The following RPGRIP1L variants were observed in gnomAD, a reference collection of about 807,000 sequenced individuals.
The protein encoded by RPGRIP1L is protein fantom.
RPGRIP1L carries 131 observed loss-of-function variants against 160.4 expected under a neutral mutation model. That is an observed-to-expected ratio of 0.82 (90% CI 0.71 to 0.94). RPGRIP1L has a LOEUF of 0.94. Ranked by LOEUF, RPGRIP1L falls within the 40% of genes least tolerant of loss-of-function variation. The pLI is 0.00. For missense variants in RPGRIP1L, 1,522 were observed against 1,535.8 expected, an observed-to-expected ratio of 0.99 and a Z score of 0.15; for synonymous variants, 510 against 515.8, an observed-to-expected ratio of 0.99 and a Z score of 0.15.
At chr16:53,665,802 C>T (rs865962980) in intron 9 of RPGRIP1L, among the ~76,000 whole-genome samples, 1 of 152,124 alleles carries the variant, frequency 6.6e-6, no homozygotes, top group Non-Finnish European at 1.5e-5. Context: ...CCAGTGGTTC[C>T]TAAACGCTGA....
intron 6 of RPGRIP1L, among the ~76,000 whole-genome samples, chr16:53,681,835 T>C (rs1047987163): frequency 1.3e-5 from 2 of 152,222 alleles, no homozygotes; most frequent in Admixed American, 1.3e-4. Context: ...AGATTACAAC[T>C]ACGTTAGGTT....
At chr16:53,648,351 CA>C (rs1438646067) in intron 16 of RPGRIP1L, among the ~76,000 whole-genome samples, 1 of 152,092 alleles carries the variant, frequency 6.6e-6, no homozygotes, top group Non-Finnish European at 1.5e-5. Context: ...AGAAACTTAA[CA>C]TGAGGAAATA....
At chr16:53,699,561 T>C (rs917382733) in intron 2 of RPGRIP1L, among the ~76,000 whole-genome samples, 1 of 152,180 alleles carries the variant, frequency 6.6e-6, no homozygotes, top group African/African-American at 2.4e-5. Flanking sequence ...TAAATCACTT[T>C]GCACACTTAC....
At chr16:53,612,539 C>T (rs1964119171) in intron 24 of RPGRIP1L, among the ~76,000 whole-genome samples, 1 of 145,018 alleles carries the variant, frequency 6.9e-6, no homozygotes, top group Admixed American at 6.9e-5. Context: ...ATGTGGCACA[C>T]CATATTGTTT....
At chr16:53,692,862 C>T (rs909789921) in intron 3 of RPGRIP1L, among the ~76,000 whole-genome samples, 1 of 152,184 alleles carries the variant, frequency 6.6e-6, no homozygotes, top group African/African-American at 2.4e-5. Flanking sequence ...TAAATGCACA[C>T]ATATAAAGCC....
chr16:53,612,537 C>T (rs1964118973), intron 24 of RPGRIP1L, among the ~76,000 whole-genome samples: 1 of 142,648 alleles, frequency 7.0e-6, no homozygotes, highest in African/African-American at 2.6e-5. Flanking sequence ...AGATGTGGCA[C>T]ACCATATTGT....
chr16:53,673,318 A>G (rs1175741642), intron 7 of RPGRIP1L, among the ~76,000 whole-genome samples: 1 of 152,156 alleles, frequency 6.6e-6, no homozygotes. Context: ...CATTTTAACA[A>G]TAACTTTTTT....
At chr16:53,658,023 T>C (rs1967417537) in intron 12 of RPGRIP1L, among the ~76,000 whole-genome samples, 1 of 152,178 alleles carries the variant, frequency 6.6e-6, no homozygotes, top group Non-Finnish European at 1.5e-5. Flanking sequence ...AATTATCTTC[T>C]TGAGATATTT....
chr16:53,657,849 A>G (rs760064769), intron 12 of RPGRIP1L, among the ~76,000 whole-genome samples: 1 of 152,122 alleles, frequency 6.6e-6, no homozygotes, highest in Non-Finnish European at 1.5e-5. Context: ...GAATATTTGG[A>G]TAGACAATTG....
intron 16 of RPGRIP1L, among the ~76,000 whole-genome samples, chr16:53,648,103 CAAAAAAAAAAAAAA>C (rs781122239): frequency 2.6e-5 from 1 of 39,138 alleles, no homozygotes; most frequent in Non-Finnish European, 5.4e-5. Context: ...GACTCCGTCT[CAAAAAAAAAAAAAA>C]AAAAAAAAAA....
chr16:53,621,815 G>T (rs1449966245), intron 23 of RPGRIP1L, among the ~76,000 whole-genome samples: 1 of 151,068 alleles, frequency 6.6e-6, no homozygotes, highest in African/African-American at 2.4e-5. Context: ...GAGGTCAGGA[G>T]ATCGAGACCA....
At chr16:53,678,761 T>C (rs868470687) in intron 6 of RPGRIP1L, among the ~76,000 whole-genome samples, 5 of 152,192 alleles carry the variant, frequency 3.3e-5, no homozygotes, top group East Asian at 1.9e-4. Context: ...TTTTGAGTAA[T>C]AGTTACAGGC....
chr16:53,608,877 G>A (rs1363767606), intron 25 of RPGRIP1L, among the ~76,000 whole-genome samples: 2 of 152,206 alleles, frequency 1.3e-5, no homozygotes, highest in Admixed American at 6.5e-5. Context: ...TACTGTTGAG[G>A]GAGAACAGTC....
intron 6 of RPGRIP1L, among the ~76,000 whole-genome samples, chr16:53,681,297 T>A (rs1019605788): frequency 2.0e-5 from 3 of 152,112 alleles, no homozygotes; most frequent in Non-Finnish European, 2.9e-5. Context: ...ACATTTATTT[T>A]AAAAAAACAC....
intron 9 of RPGRIP1L, among the ~76,000 whole-genome samples, chr16:53,671,122 T>C (rs1462628805): frequency 2.0e-5 from 3 of 152,060 alleles, no homozygotes; most frequent in Non-Finnish European, 1.5e-5. Flanking sequence ...TGCCTCTTAA[T>C]GTTACTTAAT....
intron 16 of RPGRIP1L, among the ~76,000 whole-genome samples, chr16:53,648,234 G>A (rs2151095999): frequency 6.6e-6 from 1 of 151,890 alleles, no homozygotes; most frequent in East Asian, 1.9e-4. Context: ...TGAAAATATG[G>A]TCATTAAGAC....
chr16:53,604,500 A>G (rs1963554523), intron 26 of RPGRIP1L, among the ~76,000 whole-genome samples: 1 of 152,236 alleles, frequency 6.6e-6, no homozygotes, highest in South Asian at 2.1e-4. Flanking sequence ...CCTGATTATG[A>G]TTTTTAAAAG....
intron 6 of RPGRIP1L, among the ~76,000 whole-genome samples, chr16:53,679,616 C>T (rs149356382): frequency 9.4e-5 from 13 of 137,680 alleles, no homozygotes; most frequent in African/African-American, 3.2e-4. Flanking sequence ...AAGAAACATA[C>T]ATTTACTGGC....
At position 53,692,949 on chromosome 16, in the gene RPGRIP1L, T is replaced by TA. The variant is rs543185826; in HGVS notation, c.231-586dup. Among the ~76,000 whole-genome samples the TA allele has an allele frequency of 2.0e-5, 3 of 152,320 alleles. No homozygotes were observed. The East Asian group carries it at 5.8e-4, about 29-fold the overall frequency. On this transcript the variant is annotated intron_variant, in intron 3 of 26. Coordinates refer to ENST00000647211, the MANE Select transcript of RPGRIP1L (RefSeq NM_015272.5). The stretch of plus-strand genomic sequence containing the variant: ...CTCAAGAAACACTTGTGTTTAATGG[T>TA]AAAAAATAATTAGATGCAAAAGTAT...
Sources: allele counts gnomAD v4.1 joint callset (sites outside exome capture counted in the v4.1 genomes callset), GRCh38; gene constraint gnomAD v4.1.1; transcripts MANE v1.5; gene names NCBI Gene and HGNC (gene_info 2026-07-23, HGNC 2026-07-21).